POLA1: variants seen among roughly 807,000 people sequenced by gnomAD.
The protein encoded by POLA1 is DNA polymerase alpha 1, catalytic subunit.
In POLA1, 15 loss-of-function variants were observed where a neutral mutation model predicts 124.0. The ratio of observed to expected loss-of-function variants is 0.12; its 90% CI spans 0.08 to 0.19. The LOEUF (loss-of-function observed/expected upper bound fraction) is 0.19, where lower values mean the gene tolerates loss of function less well. Ranked by LOEUF, POLA1 falls within the 10% of genes least tolerant of loss-of-function variation. The pLI is 1.00. For missense variants in POLA1, 886 were observed against 1,103.4 expected, an observed-to-expected ratio of 0.80 and a Z score of 2.79; for synonymous variants, 408 against 389.4, an observed-to-expected ratio of 1.05 and a Z score of -0.56.
intron 36 of POLA1, among the ~76,000 whole-genome samples, chrX:24,979,595 A>T (rs2048399700): frequency 1.8e-5 from 2 of 112,181 alleles, no homozygotes; most frequent in South Asian, 7.4e-4. Context: ...GTTCATCTGA[A>T]TCCAGGCAAT....
intron 35 of POLA1, among the ~76,000 whole-genome samples, chrX:24,888,749 T>C (rs1320013369): frequency 9.2e-6 from 1 of 108,401 alleles, no homozygotes; most frequent in African/African-American, 3.4e-5. Flanking sequence ...CTAATTTTTC[T>C]ATTTTTAGTA....
intron 18 of POLA1, among the ~76,000 whole-genome samples, chrX:24,736,441 A>C (rs1931280458): frequency 9.0e-6 from 1 of 111,637 alleles, no homozygotes; most frequent in African/African-American, 3.3e-5. Context: ...CAATAACAAC[A>C]GTTTCTTGGA....
intron 31 of POLA1, among the ~76,000 whole-genome samples, chrX:24,824,791 C>T (rs999983683): frequency 1.8e-5 from 2 of 111,114 alleles, no homozygotes; most frequent in African/African-American, 3.3e-5. Context: ...AGAATAAAAA[C>T]GTTTTAAACT....
At chrX:24,767,082 C>T (rs189717371) in intron 26 of POLA1, among the ~76,000 whole-genome samples, 65 of 111,418 alleles carry the variant, frequency 5.8e-4, no homozygotes, top group African/African-American at 2.0e-3. Flanking sequence ...GACGAATTCA[C>T]GGGAACAAAC....
At chrX:24,924,066 G>GTTCAAGAGT (rs1287351938) in intron 35 of POLA1, among the ~76,000 whole-genome samples, 2 of 112,066 alleles carry the variant, frequency 1.8e-5, no homozygotes, top group Non-Finnish European at 3.8e-5. Flanking sequence ...AGACACTCAT[G>GTTCAAGAGT]TTCAAGAGTT....
chrX:24,918,118 GT>G (rs1569362007), intron 35 of POLA1, among the ~76,000 whole-genome samples: 1 of 107,375 alleles, frequency 9.3e-6, no homozygotes, highest in Non-Finnish European at 1.9e-5. Flanking sequence ...AAAAAGCAAA[GT>G]TTGAGGATGG....
intron 26 of POLA1, among the ~76,000 whole-genome samples, chrX:24,792,744 C>G (rs2045526255): frequency 8.9e-6 from 1 of 111,857 alleles, no homozygotes; most frequent in Non-Finnish European, 1.9e-5. Context: ...AAGACACGGT[C>G]CTGGTCCTCA....
At chrX:24,711,243 GA>G (rs1304646436) in intron 4 of POLA1, among the ~76,000 whole-genome samples, 2 of 112,112 alleles carry the variant, frequency 1.8e-5, no homozygotes, top group Non-Finnish European at 3.8e-5. Context: ...TTTGCCCTGG[GA>G]AAGTGTTGGG....
chrX:24,696,089 C>A (rs1409371421), intron 1 of POLA1, among the ~76,000 whole-genome samples: 1 of 112,719 alleles, frequency 8.9e-6, no homozygotes, highest in African/African-American at 3.2e-5. Flanking sequence ...TCCTATATTG[C>A]TAAGTGCAAA....
chrX:24,751,052 C>T (rs967402762), intron 26 of POLA1, among the ~76,000 whole-genome samples: 1 of 112,037 alleles, frequency 8.9e-6, no homozygotes, highest in African/African-American at 3.2e-5. Context: ...TTAGAAAATG[C>T]ACTCACTATG....
At chrX:24,953,884 T>C (rs750252107) in intron 36 of POLA1, among the ~76,000 whole-genome samples, 3 of 112,366 alleles carry the variant, frequency 2.7e-5, no homozygotes, top group Non-Finnish European at 5.6e-5. Context: ...CAAAGGTGAC[T>C]GGGATAATGC....
intron 15 of POLA1, 89 bp downstream of exon 15, chrX:24,728,025 C>T (rs1602290493): frequency 4.2e-6 from 3 of 709,022 alleles, no homozygotes; most frequent in Non-Finnish European, 6.2e-6. Flanking sequence ...GAAAGTTGTT[C>T]TTTTTGGAGG....
chrX:24,857,835 A>T (rs1016760921), intron 34 of POLA1, among the ~76,000 whole-genome samples: 1 of 111,703 alleles, frequency 9.0e-6, no homozygotes, highest in African/African-American at 3.2e-5. Flanking sequence ...TAAAATTCTT[A>T]GATTTACATA....
chrX:24,696,270 A>G (rs1045446164), intron 1 of POLA1, among the ~76,000 whole-genome samples: 2 of 112,240 alleles, frequency 1.8e-5, no homozygotes, highest in Non-Finnish European at 3.8e-5. Flanking sequence ...TATTGTGTTC[A>G]CAGAAACTCC....
At chrX:24,705,693 T>TC (rs1189507202) in intron 4 of POLA1, among the ~76,000 whole-genome samples, 85 of 109,676 alleles carry the variant, frequency 7.8e-4, no homozygotes, top group East Asian at 3.1e-3. Flanking sequence ...CAGCAACACC[T>TC]CCCCCCCTCC....
At chrX:24,857,762 T>C (rs1368591974) in intron 34 of POLA1, among the ~76,000 whole-genome samples, 2 of 111,867 alleles carry the variant, frequency 1.8e-5, no homozygotes, top group Non-Finnish European at 3.8e-5. Flanking sequence ...AGTTCAAATA[T>C]TCAGCCACAT....
At chrX:24,866,927 G>A (rs2046801939) in intron 34 of POLA1, among the ~76,000 whole-genome samples, 1 of 111,238 alleles carries the variant, frequency 9.0e-6, no homozygotes, top group Admixed American at 9.5e-5. Context: ...AGGCCTAAAA[G>A]TACTACTTTA....
At chrX:24,954,229 T>G (rs2048079804) in intron 36 of POLA1, among the ~76,000 whole-genome samples, 1 of 112,332 alleles carries the variant, frequency 8.9e-6, no homozygotes, top group Non-Finnish European at 1.9e-5. Context: ...CTTTTGAGTG[T>G]GAGGGTTGAA....
intron 1 of POLA1, among the ~76,000 whole-genome samples, chrX:24,697,665 G>A (rs1202359811): frequency 1.8e-5 from 2 of 111,670 alleles, no homozygotes; most frequent in Non-Finnish European, 3.8e-5. Flanking sequence ...TCTTTAAATT[G>A]TATCTTCTAT....
Sources: allele counts gnomAD v4.1 joint callset (sites outside exome capture counted in the v4.1 genomes callset), GRCh38; gene constraint gnomAD v4.1.1; transcripts MANE v1.5; gene names NCBI Gene and HGNC (gene_info 2026-07-23, HGNC 2026-07-21).